The following AGBL1 variants were observed in gnomAD, a reference collection of about 807,000 sequenced individuals.
AGBL1 encodes the protein cytosolic carboxypeptidase 4.
AGBL1 carries 130 observed loss-of-function variants against 118.9 expected under a neutral mutation model. The ratio of observed to expected loss-of-function variants is 1.09; its 90% confidence interval spans 0.95 to 1.26. AGBL1 has a LOEUF of 1.26. AGBL1 is among the 50% of genes most tolerant of loss of function. AGBL1 has a pLI of 0.00. For missense variants in AGBL1, 1,584 were observed against 1,298.1 expected, an observed-to-expected ratio of 1.22 and a Z score of -3.38; for synonymous variants, 555 against 478.9, an observed-to-expected ratio of 1.16 and a Z score of -2.08.
chr15:86,203,276 A>C (rs566782930), intron 5 of AGBL1, among the ~76,000 whole-genome samples: 1 of 152,200 alleles, frequency 6.6e-6, no homozygotes, highest in Non-Finnish European at 1.5e-5. Context: ...AGAGCCTGAG[A>C]GCTTGATAGC....
intron 21 of AGBL1, among the ~76,000 whole-genome samples, chr15:86,595,947 A>T (rs552366028): frequency 2.6e-5 from 4 of 152,184 alleles, no homozygotes; most frequent in Admixed American, 2.0e-4. Context: ...TGAATCATGC[A>T]TCCCTGTGGA....
chr15:86,963,434 C>T (rs868237696), intron 23 of AGBL1, among the ~76,000 whole-genome samples: 1 of 151,780 alleles, frequency 6.6e-6, no homozygotes, highest in Non-Finnish European at 1.5e-5. Context: ...TGGATTAGTG[C>T]TGTCCTCAGA....
chr15:86,149,328 C>T (rs554341141), intron 3 of AGBL1, among the ~76,000 whole-genome samples: 4 of 152,268 alleles, frequency 2.6e-5, no homozygotes, highest in South Asian at 2.1e-4. Context: ...AAGACACAGA[C>T]TGGCAAATTG....
chr15:86,629,315 A>T (rs2084931816), intron 21 of AGBL1, among the ~76,000 whole-genome samples: 1 of 152,190 alleles, frequency 6.6e-6, no homozygotes, highest in South Asian at 2.1e-4. Flanking sequence ...ATGCATGGCA[A>T]ATTCATGTTT....
Position 86,247,851 on chromosome 15 carries a change from G to T in AGBL1, c.707G>T (p.Gly236Val), listed in dbSNP as rs777188465. The change falls in exon 7 of 23, where the codon GGC (glycine) becomes GTC (valine). Residue 236 changes from glycine to valine, a missense_variant. Physicochemically the swap from Gly to Val is moderately radical, Grantham distance 109 (BLOSUM62 -3). Transcript: ENST00000614907. ...SGREAFLAAQ[G>V]MEILFSTTQN... ...AGGGAGGCCTTCCTGGCAGCACAGG[G>T]CATGGAGATCCTCTTCAGCACCACA... is the stretch of plus-strand genomic sequence containing the variant. 1.9e-6 allele frequency: 3 copies of T among 1,613,900 alleles called. No individual in the cohort carries two copies. Among genetic ancestry groups the T allele is most frequent in the Non-Finnish European group, 1.7e-6 (2 of 1,179,900 alleles).
chr15:86,329,020 A>C (rs567572264), intron 17 of AGBL1, among the ~76,000 whole-genome samples: 1 of 152,286 alleles, frequency 6.6e-6, no homozygotes, highest in East Asian at 1.9e-4. Context: ...ACAGTGCTTC[A>C]GCAGTAGGTG....
intron 17 of AGBL1, among the ~76,000 whole-genome samples, chr15:86,388,312 A>C (rs2141975373): frequency 6.6e-6 from 1 of 152,264 alleles, no homozygotes; most frequent in East Asian, 1.9e-4. Context: ...ATTGGAAAAG[A>C]GGAAAAGAGA....
intron 6 of AGBL1, among the ~76,000 whole-genome samples, chr15:86,228,809 C>T (rs893601700): frequency 2.6e-5 from 4 of 152,232 alleles, no homozygotes; most frequent in Non-Finnish European, 5.9e-5. Context: ...GTCTCTGTCT[C>T]TTTCTGGGCA....
At chr15:86,835,966 A>G (rs2079165530) in intron 22 of AGBL1, among the ~76,000 whole-genome samples, 1 of 152,206 alleles carries the variant, frequency 6.6e-6, no homozygotes, top group Non-Finnish European at 1.5e-5. Context: ...AAGGAAAAAC[A>G]GTTTCTTATC....
At chr15:86,248,639 C>T (rs949524343) in intron 7 of AGBL1, among the ~76,000 whole-genome samples, 3 of 151,938 alleles carry the variant, frequency 2.0e-5, no homozygotes, top group Admixed American at 6.6e-5. Context: ...GACTGAACTG[C>T]GTTGTGAGGA....
chr15:86,985,650 T>C (rs2081273855), intron 23 of AGBL1, among the ~76,000 whole-genome samples: 1 of 152,058 alleles, frequency 6.6e-6, no homozygotes, highest in South Asian at 2.1e-4. Flanking sequence ...ATTTGTGTTG[T>C]GTCAATATTT....
rs374341046 is a variant in AGBL1, at chr15:86,841,136, C to T, written c.3159-65951C>T. Among the ~76,000 whole-genome samples the T allele has an allele frequency of 1.6e-4, 24 of 152,350 alleles. No individual in the cohort carries two copies. The East Asian group carries it at 3.9e-3, about 24-fold the overall frequency. ...ATGAATGACAGTATTTTTCCACACTCAGCCCCTACAGGCAGCTCAGCATTT... is the reference window on the plus strand; with the variant it reads ...ATGAATGACAGTATTTTTCCACACTTAGCCCCTACAGGCAGCTCAGCATTT... On this transcript the variant is annotated intron_variant, in intron 22 of 22. Coordinates refer to ENST00000614907, the MANE Select transcript of AGBL1 (RefSeq NM_001386094.1).
At chr15:86,081,707 T>C (rs1895297980) in intron 1 of AGBL1, among the ~76,000 whole-genome samples, 1 of 152,268 alleles carries the variant, frequency 6.6e-6, no homozygotes, top group South Asian at 2.1e-4. Context: ...TCTGAATAGT[T>C]GCATGGAGAT....
chr15:87,029,668 G>C (rs542342589), downstream of AGBL1, among the ~76,000 whole-genome samples: 99 of 152,040 alleles, frequency 6.5e-4, no homozygotes, highest in African/African-American at 2.3e-3. Flanking sequence ...AAGTCAAAGA[G>C]ATAGTCTGTA....
chr15:86,566,983 T>C (rs999966262), intron 21 of AGBL1, among the ~76,000 whole-genome samples: 1 of 152,172 alleles, frequency 6.6e-6, no homozygotes, highest in South Asian at 2.1e-4. Flanking sequence ...TTCATGGAGA[T>C]GCTATAAAGA....
intron 14 of AGBL1, 132 bp downstream of exon 14, chr15:86,270,199 C>T (rs1156554196): frequency 8.0e-7 from 1 of 1,245,758 alleles, no homozygotes; most frequent in Non-Finnish European, 1.1e-6. Context: ...TTGCCAGGTG[C>T]AGCAAGGCAG....
intron 3 of AGBL1, 135 bp downstream of exon 3, chr15:86,143,980 T>C: frequency 2.7e-6 from 3 of 1,127,736 alleles, no homozygotes; most frequent in Non-Finnish European, 3.7e-6. Flanking sequence ...TTGATGGTGA[T>C]GGCAGGACCA....
intron 22 of AGBL1, among the ~76,000 whole-genome samples, chr15:86,778,120 C>T (rs1016404196): frequency 4.6e-5 from 7 of 151,944 alleles, no homozygotes; most frequent in East Asian, 1.9e-4. Flanking sequence ...GCCCCTGAGC[C>T]GTAAAACCAG....
intron 3 of AGBL1, among the ~76,000 whole-genome samples, chr15:86,153,375 G>A (rs2077142507): frequency 6.6e-6 from 1 of 152,154 alleles, no homozygotes; most frequent in Non-Finnish European, 1.5e-5. Context: ...CATGGATGAA[G>A]CTGGAAACCA....
Sources: allele counts gnomAD v4.1 joint callset (sites outside exome capture counted in the v4.1 genomes callset), GRCh38; gene constraint gnomAD v4.1.1; transcripts MANE v1.5; gene names NCBI Gene and HGNC (gene_info 2026-07-23, HGNC 2026-07-21).